CCDC39: variants seen among roughly 807,000 people sequenced by gnomAD.
The protein encoded by CCDC39 is coiled-coil domain-containing protein 39.
A neutral mutation model predicts 121.0 loss-of-function variants in CCDC39; 113 were observed. The observed-to-expected ratio is 0.93, with a 90% CI of 0.80 to 1.09. The LOEUF is 1.09. Among genes scored for constraint, CCDC39 ranks in the 50% least tolerant of loss-of-function variants. The pLI, the probability that CCDC39 is intolerant of heterozygous loss-of-function variation, is 0.00. For missense variants in CCDC39, 1,063 were observed against 1,074.7 expected, an observed-to-expected ratio of 0.99 and a Z score of 0.15; for synonymous variants, 349 against 352.2, an observed-to-expected ratio of 0.99 and a Z score of 0.10.
At chr3:180,632,767 G>A (rs1228411594) in intron 13 of CCDC39, among the ~76,000 whole-genome samples, 1 of 152,096 alleles carries the variant, frequency 6.6e-6, no homozygotes, top group African/African-American at 2.4e-5. Flanking sequence ...GCAGAAGCAG[G>A]AGCCATTTTC....
At chr3:180,674,778 C>T (rs563776035) in intron 1 of CCDC39, among the ~76,000 whole-genome samples, 200 of 152,004 alleles carry the variant, frequency 1.3e-3, no homozygotes, top group African/African-American at 4.6e-3. Flanking sequence ...TGCTGGATTA[C>T]GTTTATTGAT....
intron 7 of CCDC39, 106 bp from the exon 8 acceptor site, chr3:180,652,372 A>G: frequency 1.7e-6 from 1 of 593,362 alleles, no homozygotes; most frequent in Non-Finnish European, 2.8e-6. Flanking sequence ...CCTACATCAC[A>G]CCCACAAAAG....
chr3:180,639,554 G>T (rs1014010916), intron 13 of CCDC39, among the ~76,000 whole-genome samples: 2 of 152,044 alleles, frequency 1.3e-5, no homozygotes, highest in Non-Finnish European at 2.9e-5. Flanking sequence ...TTATGTTCTC[G>T]CTTATAAGCA....
intron 1 of CCDC39, among the ~76,000 whole-genome samples, chr3:180,664,351 T>A (rs1407103946): frequency 1.3e-5 from 2 of 152,176 alleles, no homozygotes; most frequent in Admixed American, 6.5e-5. Flanking sequence ...GGGCTCTACC[T>A]CTATGACCTG....
intron 1 of CCDC39, among the ~76,000 whole-genome samples, chr3:180,676,071 G>A (rs1193380654): frequency 6.6e-6 from 1 of 152,060 alleles, no homozygotes; most frequent in Non-Finnish European, 1.5e-5. Context: ...TACCATTCAG[G>A]ACATAGGCAT....
intron 14 of CCDC39, 86 bp from the exon 15 acceptor site, chr3:180,620,056 G>A: frequency 9.9e-7 from 1 of 1,013,404 alleles, no homozygotes; most frequent in South Asian, 1.9e-5. Context: ...GCAGAAAATA[G>A]TTGACTTGTG....
At chr3:180,617,420 TC>T in intron 16 of CCDC39, 1 of 671,840 alleles carries the variant, frequency 1.5e-6, no homozygotes, top group Non-Finnish European at 2.7e-6. Context: ...TAAAACAGCC[TC>T]AGGCAGGTCC....
rs1432525061 is a variant in CCDC39, at chr3:180,614,668, T to G, written c.*253A>C. 2 of 372,404 alleles carry G rather than the reference T, an allele frequency of 5.4e-6. No individual in the cohort carries two copies. Among genetic ancestry groups the G allele is most frequent in the African/African-American group, 4.3e-5 (2 of 46,924 alleles). The allele number at this position is 372,404 out of a possible 1,614,324, so 23.1% of individuals were successfully genotyped here. ...TTTTCTAACACTACGAACATCAGAATTACAGTGAAATACAGCATTTTTCCT... is the reference window on the plus strand; with the variant it reads ...TTTTCTAACACTACGAACATCAGAAGTACAGTGAAATACAGCATTTTTCCT... On this transcript the variant is annotated 3_prime_UTR_variant, in exon 20 of 20. Transcript: ENST00000476379.
At chr3:180,641,353 C>T (rs1190447172) in intron 13 of CCDC39, among the ~76,000 whole-genome samples, 1 of 151,992 alleles carries the variant, frequency 6.6e-6, no homozygotes, top group African/African-American at 2.4e-5. Flanking sequence ...AAAGCTTTCC[C>T]TTTGAGATCA....
chr3:180,618,862 A>G (rs1374762025), intron 16 of CCDC39, among the ~76,000 whole-genome samples: 2 of 152,158 alleles, frequency 1.3e-5, no homozygotes, highest in East Asian at 3.8e-4. Context: ...GACAATGCAC[A>G]TTCTTTTATC....
At chr3:180,662,923 T>C (rs1711777843) in intron 2 of CCDC39, among the ~76,000 whole-genome samples, 1 of 152,156 alleles carries the variant, frequency 6.6e-6, no homozygotes, top group Non-Finnish European at 1.5e-5. Context: ...AAAAACTAGT[T>C]TGAGACAGAA....
intron 13 of CCDC39, among the ~76,000 whole-genome samples, chr3:180,637,476 G>T (rs1361502150): frequency 1.3e-5 from 2 of 152,152 alleles, no homozygotes; most frequent in Non-Finnish European, 2.9e-5. Flanking sequence ...ATACAATATT[G>T]GTGGGAATGT....
chr3:180,675,546 T>G (rs1457672481), intron 1 of CCDC39, among the ~76,000 whole-genome samples: 1 of 152,226 alleles, frequency 6.6e-6, no homozygotes, highest in East Asian at 1.9e-4. Flanking sequence ...TTGCTCTTGC[T>G]TCTCTAGTTC....
chr3:180,640,050 GGA>G (rs1227963489), intron 13 of CCDC39, among the ~76,000 whole-genome samples: 2 of 152,034 alleles, frequency 1.3e-5, no homozygotes, highest in Non-Finnish European at 2.9e-5. Context: ...TCAGTTGTCC[GGA>G]GAGAGAAACA....
At chr3:180,677,168 T>TTATATATATATATATATA (rs58408770) in intron 1 of CCDC39, among the ~76,000 whole-genome samples, 5 of 35,178 alleles carry the variant, frequency 1.4e-4, no homozygotes, top group Non-Finnish European at 1.6e-4. Flanking sequence ...AATAATAATT[T>TTATATATATATATATATA]TATATATATA....
intron 6 of CCDC39, among the ~76,000 whole-genome samples, chr3:180,656,926 T>A (rs916325166): frequency 6.6e-6 from 1 of 152,206 alleles, no homozygotes; most frequent in Non-Finnish European, 1.5e-5. Flanking sequence ...TTGTTTAGCA[T>A]ATAATCAAGA....
intron 1 of CCDC39, among the ~76,000 whole-genome samples, chr3:180,665,172 C>A (rs1711843840): frequency 6.6e-6 from 1 of 152,190 alleles, no homozygotes; most frequent in African/African-American, 2.4e-5. Context: ...GAGAACAGAA[C>A]AACTGACTCT....
At chr3:180,643,311 A>G (rs916405584) in intron 12 of CCDC39, among the ~76,000 whole-genome samples, 1 of 152,036 alleles carries the variant, frequency 6.6e-6, no homozygotes, top group Non-Finnish European at 1.5e-5. Context: ...ATATATGTAA[A>G]CTTCCCAGCG....
At chr3:180,656,061 T>C (rs1447895206) in intron 6 of CCDC39, among the ~76,000 whole-genome samples, 1 of 152,228 alleles carries the variant, frequency 6.6e-6, no homozygotes. Flanking sequence ...ACATCTGAGA[T>C]ATATTTTAAA....
Sources: allele counts gnomAD v4.1 joint callset (sites outside exome capture counted in the v4.1 genomes callset), GRCh38; gene constraint gnomAD v4.1.1; transcripts MANE v1.5; gene names NCBI Gene and HGNC (gene_info 2026-07-23, HGNC 2026-07-21).